SLC9C2: variants seen among roughly 807,000 people sequenced by gnomAD.
SLC9C2 encodes the protein sodium/hydrogen exchanger 11.
Under a neutral mutation model 140.2 loss-of-function variants are expected in SLC9C2, and 75 were observed. The observed-to-expected ratio is 0.53, with a 90% confidence interval of 0.44 to 0.65. The LOEUF (loss-of-function observed/expected upper bound fraction) is 0.65, where lower values mean the gene tolerates loss of function less well. Among genes scored for constraint, SLC9C2 ranks in the 30% least tolerant of loss-of-function variants. The pLI, the probability that SLC9C2 is intolerant of heterozygous loss-of-function variation, is 0.00. For missense variants in SLC9C2, 1,074 were observed against 1,331.8 expected, an observed-to-expected ratio of 0.81 and a Z score of 3.01; for synonymous variants, 375 against 420.9, an observed-to-expected ratio of 0.89 and a Z score of 1.34.
At chr1:173,503,366 G>A in intron 26 of SLC9C2, 40 bp from the exon 27 acceptor site, 1 of 1,568,022 alleles carries the variant, frequency 6.4e-7, no homozygotes, top group Non-Finnish European at 8.7e-7. Context: ...AGTAAATTAG[G>A]AATTTAAGAG....
chr1:173,523,669 G>A (rs937128095), intron 21 of SLC9C2, among the ~76,000 whole-genome samples: 2 of 152,174 alleles, frequency 1.3e-5, no homozygotes, highest in African/African-American at 4.8e-5. Flanking sequence ...TCTAAAAAAT[G>A]TCTCTCCCAG....
Position 173,587,704 on chromosome 1 carries a change from T to C in SLC9C2, c.484A>G (p.Ile162Val). The C allele has an allele frequency of 4.3e-6, 7 of 1,613,138 alleles. No individual in the cohort carries two copies. The highest frequency in any genetic ancestry group is 3.3e-5 in the Admixed American group (2 of 59,988). Residue 162 changes from isoleucine to valine, a missense_variant, in exon 5 of 28, where the codon ATA becomes GTA. Ile to Val is a conservative substitution (Grantham distance 29). Transcript: ENST00000367714. ...CLLFSITLGI[I>V]DPLRSVNSLK... ...GAATTCACAGAACGAAGAGGATCTA[T>C]AATGCCAAGGGTGATGCTAAAGAGT...
At chr1:173,581,026 G>A (rs1458064503) in intron 7 of SLC9C2, among the ~76,000 whole-genome samples, 2 of 152,334 alleles carry the variant, frequency 1.3e-5, no homozygotes, top group African/African-American at 2.4e-5. Flanking sequence ...TTCAATGAAT[G>A]CTTTCTATAA....
chr1:173,552,552 A>C (rs777210050), intron 11 of SLC9C2, among the ~76,000 whole-genome samples: 1 of 152,234 alleles, frequency 6.6e-6, no homozygotes, highest in Non-Finnish European at 1.5e-5. Flanking sequence ...GAAAATCCTA[A>C]GACTCTTAAG....
intron 4 of SLC9C2, 100 bp downstream of exon 4, chr1:173,597,804 G>T: frequency 8.3e-7 from 1 of 1,199,308 alleles, no homozygotes; most frequent in Non-Finnish European, 1.1e-6. Flanking sequence ...AATAAAATAT[G>T]ACATTTTGTG....
At chr1:173,539,894 C>A (rs1383520970) in intron 13 of SLC9C2, among the ~76,000 whole-genome samples, 1 of 152,182 alleles carries the variant, frequency 6.6e-6, no homozygotes, top group African/African-American at 2.4e-5. Flanking sequence ...GTCATTATAA[C>A]AATGACTGCA....
chr1:173,600,360 G>C (rs1031826077), intron 2 of SLC9C2, 143 bp from the exon 3 acceptor site: 2 of 315,934 alleles, frequency 6.3e-6, no homozygotes, highest in African/African-American at 2.2e-5. Context: ...CTTTGGGATG[G>C]TGCAAAAGTG....
intron 5 of SLC9C2, 36 bp downstream of exon 5, chr1:173,587,628 AT>A: frequency 6.5e-7 from 1 of 1,547,296 alleles, no homozygotes; most frequent in Non-Finnish European, 8.8e-7. Flanking sequence ...GTACCCTTAT[AT>A]TTTCAAGATA....
intron 4 of SLC9C2, among the ~76,000 whole-genome samples, chr1:173,590,925 G>A (rs1666123539): frequency 6.6e-6 from 1 of 152,132 alleles, no homozygotes; most frequent in Admixed American, 6.5e-5. Flanking sequence ...TTTAGGTTCT[G>A]GGGTACATGT....
chr1:173,556,544 T>C (rs945145230), intron 10 of SLC9C2, among the ~76,000 whole-genome samples: 1 of 152,210 alleles, frequency 6.6e-6, no homozygotes, highest in Non-Finnish European at 1.5e-5. Context: ...TTTCAGTTTT[T>C]GTTCTAAGAA....
intron 11 of SLC9C2, among the ~76,000 whole-genome samples, chr1:173,552,773 T>C (rs976551693): frequency 1.3e-5 from 2 of 152,072 alleles, no homozygotes; most frequent in East Asian, 3.8e-4. Flanking sequence ...GGACAAGGAG[T>C]TGAATGTTGT....
chr1:173,530,487 T>G (rs1661505452), intron 17 of SLC9C2, among the ~76,000 whole-genome samples: 1 of 152,108 alleles, frequency 6.6e-6, no homozygotes, highest in Admixed American at 6.6e-5. Context: ...ACTTGCAAAA[T>G]AAAGAACTTA....
chr1:173,577,665 T>C (rs1484873447), intron 7 of SLC9C2, among the ~76,000 whole-genome samples: 3 of 152,136 alleles, frequency 2.0e-5, no homozygotes, highest in Admixed American at 6.5e-5. Flanking sequence ...AGGTGTAAAA[T>C]AGTTATGACT....
At chr1:173,573,904 G>T (rs936477381) in intron 8 of SLC9C2, among the ~76,000 whole-genome samples, 1 of 152,184 alleles carries the variant, frequency 6.6e-6, no homozygotes, top group African/African-American at 2.4e-5. Flanking sequence ...AGGTGGAGGT[G>T]GTCCTGCTCT....
intron 11 of SLC9C2, among the ~76,000 whole-genome samples, chr1:173,550,448 A>AT (rs533259810): frequency 7.0e-6 from 1 of 143,844 alleles, no homozygotes; most frequent in Admixed American, 6.9e-5. Flanking sequence ...TTATTTATTT[A>AT]TTTATTTTTG....
At chr1:173,522,808 T>A (rs12075314) in intron 21 of SLC9C2, among the ~76,000 whole-genome samples, 77,422 of 151,880 alleles carry the variant, frequency 0.51, 21,491 homozygotes, top group East Asian at 0.95. Context: ...CCTGGAACAC[T>A]CCAGGCACAC....
At chr1:173,552,370 T>G (rs1209340057) in intron 11 of SLC9C2, among the ~76,000 whole-genome samples, 1 of 152,204 alleles carries the variant, frequency 6.6e-6, no homozygotes, top group Non-Finnish European at 1.5e-5. Context: ...TTCAGCAGAT[T>G]TTCAATGCAG....
intron 13 of SLC9C2, among the ~76,000 whole-genome samples, chr1:173,539,022 T>C (rs1376350191): frequency 2.0e-5 from 3 of 152,204 alleles, no homozygotes; most frequent in Non-Finnish European, 2.9e-5. Context: ...AATCTCAATG[T>C]ATATCAGCAT....
intron 9 of SLC9C2, among the ~76,000 whole-genome samples, chr1:173,571,055 A>G (rs1423923809): frequency 6.6e-6 from 1 of 152,186 alleles, no homozygotes; most frequent in Non-Finnish European, 1.5e-5. Context: ...GTGTGCAGAT[A>G]GCTGTTAAAA....
Sources: gnomAD v4.1 joint callset for allele counts (sites outside exome capture counted in the v4.1 genomes callset) on GRCh38, gnomAD v4.1.1 for gene constraint, MANE v1.5 for transcripts, NCBI Gene and HGNC (gene_info 2026-07-23, HGNC 2026-07-21) for gene names.